The following PIP5K1B variants were observed in gnomAD, a reference collection of about 807,000 sequenced individuals.
The protein encoded by PIP5K1B is phosphatidylinositol 4-phosphate 5-kinase type-1 beta.
PIP5K1B carries 42 observed loss-of-function variants against 67.0 expected under a neutral mutation model. The observed-to-expected ratio is 0.63, with a 90% CI of 0.49 to 0.81. PIP5K1B has a LOEUF of 0.81. Ranked by LOEUF, PIP5K1B falls within the 30% of genes least tolerant of loss-of-function variation. PIP5K1B has a pLI of 0.00. For missense variants in PIP5K1B, 459 were observed against 646.3 expected (o/e 0.71, Z 3.14); for synonymous variants, 214 against 231.4 (o/e 0.92, Z 0.68).
intron 2 of PIP5K1B, chr9:68,783,365 C>G (rs1048971432): frequency 1.8e-5 from 3 of 166,800 alleles, no homozygotes; most frequent in Non-Finnish European, 4.4e-5. Flanking sequence ...GGGATAATTC[C>G]TATCCTTTTC....
intron 2 of PIP5K1B, among the ~76,000 whole-genome samples, chr9:68,800,562 G>T (rs1406673211): frequency 6.6e-6 from 1 of 152,100 alleles, no homozygotes; most frequent in African/African-American, 2.4e-5. Context: ...ATGTCAAGAG[G>T]ATGTCGGGCC....
Position 68,830,468 on chromosome 9 carries a change from T to G in PIP5K1B, c.69+7785T>G, listed in dbSNP as rs146868490. ...CCCTCTCATTATTAGCCTGTTGCCC[T>G]GAATGGTTCATTCTGAAGTGACCTC... On this transcript the variant is annotated intron_variant, in intron 4 of 15. Transcript: ENST00000265382. Among the ~76,000 whole-genome samples the G allele has an allele frequency of 2.2e-3, 329 of 152,324 alleles. 3 individuals carry two copies. The highest frequency in any genetic ancestry group is 0.01 in the Middle Eastern group (3 of 294).
intron 2 of PIP5K1B, among the ~76,000 whole-genome samples, chr9:68,788,153 C>T (rs1449068924): frequency 6.6e-6 from 1 of 152,208 alleles, no homozygotes; most frequent in Non-Finnish European, 1.5e-5. Context: ...GTGACCCTTT[C>T]CTCCCTTGAT....
At chr9:68,923,644 T>G (rs996124310) in intron 12 of PIP5K1B, among the ~76,000 whole-genome samples, 1 of 152,220 alleles carries the variant, frequency 6.6e-6, no homozygotes, top group Non-Finnish European at 1.5e-5. Flanking sequence ...TACAGTCAAA[T>G]AATGGAATAG....
At position 68,780,205 on chromosome 9, in the gene PIP5K1B, C is replaced by T. The variant is rs539621314; in HGVS notation, c.-86+37548C>T. On this transcript the variant is annotated intron_variant, in intron 2 of 15. Coordinates refer to ENST00000265382, the MANE Select transcript of PIP5K1B (RefSeq NM_003558.4). ...ATGGAGCTAGACCTGGAGCTGCCTC[C>T]GGGTACGGGCGGGAGCCCGGCGGAG... 4.6e-6 allele frequency: 7 copies of T among 1,535,738 alleles called. No homozygotes were observed. In the African/African-American group the frequency reaches 9.7e-5, roughly 21 times the overall value.
chr9:68,726,217 G>A (rs189989134), intron 1 of PIP5K1B, among the ~76,000 whole-genome samples: 3 of 152,146 alleles, frequency 2.0e-5, no homozygotes, highest in Admixed American at 6.5e-5. Flanking sequence ...TCATATGCCT[G>A]TATCAAAATA....
intron 14 of PIP5K1B, among the ~76,000 whole-genome samples, chr9:68,952,843 C>T (rs1173440657): frequency 1.3e-5 from 2 of 150,270 alleles, no homozygotes; most frequent in Non-Finnish European, 3.0e-5. Flanking sequence ...TCCTTCCTTC[C>T]TTTCTTCCTT....
intron 12 of PIP5K1B, among the ~76,000 whole-genome samples, chr9:68,929,247 T>G (rs964035140): frequency 1.3e-5 from 2 of 151,452 alleles, no homozygotes; most frequent in African/African-American, 4.9e-5. Context: ...AGGGTGCACA[T>G]ATTGTAATTT....
chr9:68,896,375 A>G (rs1825087150), intron 8 of PIP5K1B, among the ~76,000 whole-genome samples: 2 of 151,816 alleles, frequency 1.3e-5, no homozygotes, highest in Non-Finnish European at 1.5e-5. Context: ...CAAATGTAAA[A>G]GAGCCATTGC....
chr9:68,817,182 C>A (rs1438706562), intron 2 of PIP5K1B, among the ~76,000 whole-genome samples: 1 of 152,166 alleles, frequency 6.6e-6, no homozygotes, highest in African/African-American at 2.4e-5. Context: ...CGAATTAAAA[C>A]CAGAGATGCC....
In PIP5K1B at chr9:68,853,649, A is replaced by G. The variant is rs530944676; in HGVS notation, c.70-10188A>G. Among the ~76,000 whole-genome samples the G allele has an allele frequency of 1.2e-4, 19 of 152,326 alleles. No individual in the cohort carries two copies. The East Asian group carries it at 3.7e-3, about 29-fold the overall frequency. ...AGGGTGGGTGTTCCAGGCAAATGAT[A>G]TGTGACCATTGGAGGACACTGAGCT... On this transcript the variant is annotated intron_variant, in intron 4 of 15. Transcript: ENST00000265382.
At chr9:68,962,620 T>C (rs555094185) in intron 14 of PIP5K1B, among the ~76,000 whole-genome samples, 1 of 152,228 alleles carries the variant, frequency 6.6e-6, no homozygotes, top group African/African-American at 2.4e-5. Context: ...TCAGTCCATC[T>C]AGACTGAATT....
At chr9:68,798,438 T>A (rs1037550529) in intron 2 of PIP5K1B, among the ~76,000 whole-genome samples, 1 of 152,164 alleles carries the variant, frequency 6.6e-6, no homozygotes, top group Admixed American at 6.5e-5. Context: ...AGGTAGTTAG[T>A]AGTTAGTAAA....
At chr9:68,959,200 T>C (rs906596768) in intron 14 of PIP5K1B, among the ~76,000 whole-genome samples, 2 of 152,314 alleles carry the variant, frequency 1.3e-5, no homozygotes, top group Non-Finnish European at 2.9e-5. Context: ...AGACAATGGT[T>C]ATTCTTAATT....
intron 4 of PIP5K1B, among the ~76,000 whole-genome samples, chr9:68,846,874 G>C (rs1256764840): frequency 6.6e-6 from 1 of 152,142 alleles, no homozygotes; most frequent in African/African-American, 2.4e-5. Context: ...GAAAGGAAGA[G>C]AAAAACTATT....
At chr9:68,808,059 G>C (rs147590299) in intron 2 of PIP5K1B, among the ~76,000 whole-genome samples, 1 of 152,148 alleles carries the variant, frequency 6.6e-6, no homozygotes, top group Non-Finnish European at 1.5e-5. Context: ...TTAGCCTGGC[G>C]TGGTGGTGTG....
At chr9:68,731,968 TGG>T (rs1225349951) in intron 1 of PIP5K1B, among the ~76,000 whole-genome samples, 19 of 152,032 alleles carry the variant, frequency 1.2e-4, no homozygotes, top group Non-Finnish European at 1.3e-4. Flanking sequence ...GAAGGAGGTG[TGG>T]GAAGTAATGG....
chr9:68,824,299 G>T (rs564567142), intron 4 of PIP5K1B: 4 of 515,598 alleles, frequency 7.8e-6, no homozygotes, highest in South Asian at 5.7e-5. Context: ...CGCTGCAAAA[G>T]TTATAGAAAA....
At chr9:68,727,185 A>G (rs903514273) in intron 1 of PIP5K1B, among the ~76,000 whole-genome samples, 4 of 152,188 alleles carry the variant, frequency 2.6e-5, no homozygotes, top group Admixed American at 2.6e-4. Flanking sequence ...AATCCTTGAT[A>G]TGGGTCAAGA....
Sources: allele counts gnomAD v4.1 joint callset (sites outside exome capture counted in the v4.1 genomes callset), GRCh38; gene constraint gnomAD v4.1.1; transcripts MANE v1.5; gene names NCBI Gene and HGNC (gene_info 2026-07-23, HGNC 2026-07-21).